Variants in PRKCI observed in about 807,000 individuals in gnomAD.
PRKCI encodes protein kinase C iota type.
In PRKCI, 43 loss-of-function variants were observed where a neutral mutation model predicts 84.0. That is an observed-to-expected ratio of 0.51 (90% CI 0.40 to 0.66). The LOEUF (loss-of-function observed/expected upper bound fraction) is 0.66. Ranked by LOEUF, PRKCI falls within the 30% of genes least tolerant of loss-of-function variation. The probability of loss-of-function intolerance (pLI) is 0.00; values close to 1 mark genes in which losing one functional copy is unlikely to be tolerated. For synonymous variants in PRKCI, 216 were observed against 234.4 expected (o/e 0.92, Z 0.72); for missense variants, 459 against 745.6 (o/e 0.62, Z 4.48).
chr3:170,261,456 TTTTAA>T (rs1162297119), intron 3 of PRKCI, among the ~76,000 whole-genome samples: 1 of 145,772 alleles, frequency 6.9e-6, no homozygotes, highest in African/African-American at 2.7e-5. Context: ...AGTGTTTTTT[TTTTAA>T]AAAAAAAAAA....
intron 15 of PRKCI, among the ~76,000 whole-genome samples, chr3:170,296,813 A>G (rs1393120169): frequency 6.6e-6 from 1 of 152,232 alleles, no homozygotes. Flanking sequence ...ATAGTGATGA[A>G]TAAGCCAAGA....
chr3:170,266,746 G>T (rs563122408), intron 4 of PRKCI, among the ~76,000 whole-genome samples: 6 of 152,080 alleles, frequency 3.9e-5, no homozygotes, highest in Non-Finnish European at 8.8e-5. Flanking sequence ...TAATCCCAGC[G>T]CTTTGGGAGG....
chr3:170,270,588 T>A (rs757108978), intron 6 of PRKCI, 27 bp downstream of exon 6: 2 of 1,581,058 alleles, frequency 1.3e-6, no homozygotes, highest in Non-Finnish European at 1.7e-6. Flanking sequence ...TTTTTTTTTT[T>A]TTTTTTTTAA....
At chr3:170,271,041 G>GAA (rs139795984) in intron 6 of PRKCI, among the ~76,000 whole-genome samples, 7,044 of 151,546 alleles carry the variant, frequency 0.046, 524 homozygotes, top group African/African-American at 0.16. Context: ...GTTTGTTATC[G>GAA]AAAAAAATAC....
At chr3:170,252,731 C>T (rs1285649786) in intron 2 of PRKCI, among the ~76,000 whole-genome samples, 2 of 152,000 alleles carry the variant, frequency 1.3e-5, no homozygotes, top group Non-Finnish European at 2.9e-5. Flanking sequence ...ACTGAGACTA[C>T]AGGCTTGAGC....
intron 13 of PRKCI, among the ~76,000 whole-genome samples, chr3:170,292,272 G>A (rs1734570091): frequency 6.6e-6 from 1 of 152,122 alleles, no homozygotes; most frequent in Non-Finnish European, 1.5e-5. Flanking sequence ...TCCTTTTACA[G>A]TTGAAGAAAC....
At chr3:170,223,834 A>G (rs766450734) in intron 1 of PRKCI, among the ~76,000 whole-genome samples, 1 of 152,210 alleles carries the variant, frequency 6.6e-6, no homozygotes, top group Non-Finnish European at 1.5e-5. Flanking sequence ...CAGTGAAGAT[A>G]GCAAACTCTC....
chr3:170,271,299 C>T (rs911322168), intron 6 of PRKCI, among the ~76,000 whole-genome samples: 4 of 152,198 alleles, frequency 2.6e-5, no homozygotes, highest in Non-Finnish European at 5.9e-5. Flanking sequence ...TTGGTTTCAT[C>T]TGTACCCCCA....
intron 11 of PRKCI, among the ~76,000 whole-genome samples, chr3:170,283,072 T>C (rs1734292618): frequency 6.7e-6 from 1 of 150,022 alleles, no homozygotes; most frequent in African/African-American, 2.5e-5. Flanking sequence ...GCCACTGCAC[T>C]CCAGCCTGGG....
chr3:170,247,730 CAAAAAAAAAAA>C (rs72411481), intron 2 of PRKCI, among the ~76,000 whole-genome samples: 38 of 27,896 alleles, frequency 1.4e-3, no homozygotes, highest in South Asian at 1.9e-3. Context: ...AACTCTGTCT[CAAAAAAAAAAA>C]AAAAAAAAAA....
chr3:170,260,173 C>T (rs910723482), intron 3 of PRKCI, 115 bp downstream of exon 3: 10 of 644,914 alleles, frequency 1.6e-5, no homozygotes, highest in Non-Finnish European at 2.3e-5. Context: ...CTCTGTGACT[C>T]ATGCCTAAGT....
chr3:170,275,501 C>A (rs1362861767), intron 8 of PRKCI, among the ~76,000 whole-genome samples: 1 of 151,934 alleles, frequency 6.6e-6, no homozygotes, highest in African/African-American at 2.4e-5. Context: ...AACTTATTTT[C>A]ATTTTAAAAT....
chr3:170,225,710 A>G lies in PRKCI; in HGVS notation c.101+2940A>G, dbSNP rs1235921510. ...GGTGTGAGCCACTGTACCTGGCTCC[A>G]CTACCCTTTTCTAACAATATTTCTT... On this transcript the variant is annotated intron_variant, in intron 1 of 17. Transcript: ENST00000295797. 2.6e-5 allele frequency among the ~76,000 whole-genome samples: 4 copies of G among 151,598 alleles called. No individual in the cohort carries two copies. The South Asian group carries it at 8.3e-4, about 32-fold the overall frequency.
chr3:170,260,175 T>C, intron 3 of PRKCI, 117 bp downstream of exon 3: 1 of 635,158 alleles, frequency 1.6e-6, no homozygotes, highest in Non-Finnish European at 2.6e-6. Flanking sequence ...CTGTGACTCA[T>C]GCCTAAGTAA....
intron 1 of PRKCI, among the ~76,000 whole-genome samples, chr3:170,228,318 G>A (rs1175987889): frequency 6.6e-6 from 1 of 152,100 alleles, no homozygotes; most frequent in Admixed American, 6.6e-5. Flanking sequence ...TACAGAAAGA[G>A]GCTGGGTATG....
At chr3:170,242,201 C>T (rs565958534) in intron 2 of PRKCI, among the ~76,000 whole-genome samples, 1 of 152,228 alleles carries the variant, frequency 6.6e-6, no homozygotes, top group African/African-American at 2.4e-5. Flanking sequence ...TGAATTCAAC[C>T]AACTCTTTGG....
intron 6 of PRKCI, among the ~76,000 whole-genome samples, chr3:170,270,925 A>G (rs9862236): frequency 0.01 from 1,543 of 152,294 alleles, 34 homozygotes; most frequent in African/African-American, 0.035. Flanking sequence ...ATATCAGGTA[A>G]GAAGAGTCAA....
chr3:170,234,197 A>G (rs901747869), intron 1 of PRKCI, among the ~76,000 whole-genome samples: 1 of 151,684 alleles, frequency 6.6e-6, no homozygotes, highest in Admixed American at 6.6e-5. Flanking sequence ...ACACCCAGCA[A>G]ATTTTTTATT....
At chr3:170,285,384 C>T (rs575700830) in intron 12 of PRKCI, among the ~76,000 whole-genome samples, 1 of 151,066 alleles carries the variant, frequency 6.6e-6, no homozygotes, top group Admixed American at 6.6e-5. Context: ...TGGCCTATTT[C>T]TTGATGTTTT....
Sources: allele counts gnomAD v4.1 joint callset (sites outside exome capture counted in the v4.1 genomes callset), GRCh38; gene constraint gnomAD v4.1.1; transcripts MANE v1.5; gene names NCBI Gene and HGNC (gene_info 2026-07-23, HGNC 2026-07-21).